Variants in CRYBG3 observed in about 807,000 individuals in gnomAD.
CRYBG3 encodes the protein crystallin beta-gamma domain containing 3, also known as very large A-kinase anchor protein.
In CRYBG3, 127 loss-of-function variants were observed where a neutral mutation model predicts 244.2. The observed-to-expected ratio is 0.52, with a 90% CI of 0.45 to 0.60. The LOEUF is 0.60. Ranked by LOEUF, CRYBG3 falls within the 20% of genes least tolerant of loss-of-function variation. The pLI, the probability that CRYBG3 is intolerant of heterozygous loss-of-function variation, is 0.00. For missense variants in CRYBG3, 3,325 were observed against 3,442.5 expected (o/e 0.97, Z 0.85); for synonymous variants, 1,132 against 1,195.8 (o/e 0.95, Z 1.10).
In CRYBG3 at chr3:97,878,040, A is replaced by C. The variant is rs1576539999; in HGVS notation, c.6843+3A>C. 2 of 1,591,428 alleles carry C rather than the reference A, an allele frequency of 1.3e-6. No individual in the cohort carries two copies. The highest frequency in any genetic ancestry group is 1.7e-6 in the Non-Finnish European group (2 of 1,172,480). ...GCAGATTGAGCCCATTTATAGAGGT[A>C]AGTTATTTTGTTTATTGTATTAATA... On this transcript the variant is annotated splice_donor_region_variant and intron_variant, in intron 4 of 21. Coordinates refer to ENST00000389622, the MANE Select transcript of CRYBG3 (RefSeq NM_153605.4).
chr3:97,942,679 C>T (rs1166386133), intron 21 of CRYBG3: 25 of 379,952 alleles, frequency 6.6e-5, no homozygotes, highest in Middle Eastern at 6.9e-4. Flanking sequence ...TCATTTGCTA[C>T]GTGAACTCAG....
intron 12 of CRYBG3, among the ~76,000 whole-genome samples, chr3:97,898,008 C>T (rs889619548): frequency 6.6e-5 from 10 of 151,908 alleles, no homozygotes; most frequent in Non-Finnish European, 1.3e-4. Flanking sequence ...ATCACGAGGT[C>T]AGGAGATCGA....
At chr3:97,900,121 A>G (rs1346290853) in intron 14 of CRYBG3, among the ~76,000 whole-genome samples, 3 of 149,596 alleles carry the variant, frequency 2.0e-5, no homozygotes, top group Non-Finnish European at 4.5e-5. Flanking sequence ...GGCCAAGGTA[A>G]AACATCCCTA....
chr3:97,914,655 C>A (rs1229462945), intron 16 of CRYBG3, among the ~76,000 whole-genome samples: 2 of 152,180 alleles, frequency 1.3e-5, no homozygotes, highest in African/African-American at 4.8e-5. Flanking sequence ...CGGTACCTAC[C>A]TCAAAGGTTT....
chr3:97,828,843 A>AAG (rs1559710616), intron 1 of CRYBG3, among the ~76,000 whole-genome samples: 1 of 151,228 alleles, frequency 6.6e-6, no homozygotes, highest in East Asian at 1.9e-4. Context: ...AAAAAAAAAA[A>AAG]AATAACAAAA....
At chr3:97,824,489 C>T (rs763242927) in intron 1 of CRYBG3, among the ~76,000 whole-genome samples, 5 of 152,128 alleles carry the variant, frequency 3.3e-5, no homozygotes, top group African/African-American at 1.2e-4. Context: ...TCACAAAATG[C>T]GTACTGGGAC....
Position 97,881,129 on chromosome 3 carries a change from G to A in CRYBG3, c.7062G>A (p.Gly2354=), listed in dbSNP as rs1292484745. ...FRGQKCVLEE[G]EKVLNRDWIL... is the part of the protein sequence containing the mutation. ...GTCAGAAATGTGTGCTAGAAGAAGG[G>A]GAAAAGGTGTTAAATCGTGACTGGA... Residue 2354 remains glycine, a synonymous_variant, in exon 7 of 22, where the codon GGG becomes GGA. Transcript: ENST00000389622. The A allele has an allele frequency of 6.2e-7, 1 of 1,611,370 alleles. No individual in the cohort carries two copies. Among genetic ancestry groups the A allele is most frequent in the Non-Finnish European group, 8.5e-7 (1 of 1,178,696 alleles).
intron 1 of CRYBG3, among the ~76,000 whole-genome samples, chr3:97,837,462 T>C (rs1308716884): frequency 1.3e-5 from 2 of 152,118 alleles, no homozygotes; most frequent in African/African-American, 2.4e-5. Context: ...CCTGATTCTT[T>C]TTCCCTGTTC....
intron 10 of CRYBG3, among the ~76,000 whole-genome samples, chr3:97,891,702 A>G (rs2039577778): frequency 6.6e-6 from 1 of 152,112 alleles, no homozygotes; most frequent in Non-Finnish European, 1.5e-5. Context: ...TTAGGGGAAA[A>G]AAAGAAGCCA....
intron 2 of CRYBG3, among the ~76,000 whole-genome samples, chr3:97,852,795 C>T (rs771697587): frequency 8.5e-5 from 13 of 152,100 alleles, no homozygotes; most frequent in Non-Finnish European, 1.6e-4. Flanking sequence ...TTCGCACCAA[C>T]AGTGTATAAC....
chr3:97,842,560 GA>G (rs895813989), intron 1 of CRYBG3, among the ~76,000 whole-genome samples: 20 of 147,938 alleles, frequency 1.4e-4, no homozygotes, highest in African/African-American at 2.5e-4. Flanking sequence ...CTCTAAAAAA[GA>G]AAAAAAAAAT....
chr3:97,858,766 ATTTAC>A (rs1295097035), intron 2 of CRYBG3, among the ~76,000 whole-genome samples: 2 of 151,982 alleles, frequency 1.3e-5, no homozygotes, highest in Non-Finnish European at 2.9e-5. Context: ...ATCTTGCTGA[ATTTAC>A]TTAAGATCAT....
chr3:97,851,016 C>A (rs1317360207), intron 2 of CRYBG3, among the ~76,000 whole-genome samples: 1 of 151,764 alleles, frequency 6.6e-6, no homozygotes, highest in Non-Finnish European at 1.5e-5. Context: ...GCCTGTAATC[C>A]CATTTACTTG....
intron 15 of CRYBG3, among the ~76,000 whole-genome samples, chr3:97,908,043 G>T (rs1304628972): frequency 2.0e-5 from 3 of 152,206 alleles, no homozygotes; most frequent in African/African-American, 7.2e-5. Context: ...CAGTTTCCAT[G>T]TAGTTGAGAG....
At position 97,942,396 on chromosome 3, in the gene CRYBG3, GAACT is replaced by G; in HGVS notation, c.8779_8782del (p.Thr2927SerfsTer24). The G allele has an allele frequency of 1.2e-6, 2 of 1,611,726 alleles. No homozygotes were observed. Among genetic ancestry groups the G allele is most frequent in the South Asian group, 2.2e-5 (2 of 90,902 alleles). Reference sequence around the variant, plus strand: ...CAGAAGTGGAGACTGAATAAAAATGGAACTATCAGCTCTTATCTCAGTGATCAAC... The same window carrying G: ...CAGAAGTGGAGACTGAATAAAAATGGATCAGCTCTTATCTCAGTGATCAAC... On this transcript the variant is annotated frameshift_variant, in exon 21 of 22. Coordinates refer to ENST00000389622, the MANE Select transcript of CRYBG3 (RefSeq NM_153605.4). LOFTEE classifies it high-confidence loss of function.
At chr3:97,831,278 T>C (rs982034662) in intron 1 of CRYBG3, among the ~76,000 whole-genome samples, 5 of 152,128 alleles carry the variant, frequency 3.3e-5, no homozygotes, top group Non-Finnish European at 5.9e-5. Context: ...AAAAGTCTGT[T>C]GAGATGTTAT....
At chr3:97,850,567 CTTA>C (rs1420035863) in intron 2 of CRYBG3, among the ~76,000 whole-genome samples, 2 of 152,102 alleles carry the variant, frequency 1.3e-5, no homozygotes, top group Non-Finnish European at 2.9e-5. Context: ...TTGCAAATAG[CTTA>C]TTGTTTTAAA....
chr3:97,921,975 T>C (rs568958838), intron 17 of CRYBG3, among the ~76,000 whole-genome samples: 95 of 152,196 alleles, frequency 6.2e-4, no homozygotes, highest in Non-Finnish European at 1.2e-3. Context: ...AGAAACATTA[T>C]AACAAGAGGC....
chr3:97,823,597 C>A (rs939319542), intron 1 of CRYBG3, among the ~76,000 whole-genome samples: 2 of 152,186 alleles, frequency 1.3e-5, no homozygotes, highest in Non-Finnish European at 2.9e-5. Flanking sequence ...TTCAAAGTTA[C>A]ACAGAAGTTA....
Sources: gnomAD v4.1 joint callset for allele counts (sites outside exome capture counted in the v4.1 genomes callset) on GRCh38, gnomAD v4.1.1 for gene constraint, MANE v1.5 for transcripts, NCBI Gene and HGNC (gene_info 2026-07-23, HGNC 2026-07-21) for gene names.